The following TMEM132D variants were observed in gnomAD, a reference collection of about 807,000 sequenced individuals.
TMEM132D encodes the protein mature OL transmembrane protein.
TMEM132D carries 21 observed loss-of-function variants against 62.3 expected under a neutral mutation model. The observed-to-expected ratio is 0.34, with a 90% CI of 0.24 to 0.49. The LOEUF (loss-of-function observed/expected upper bound fraction) is 0.49, where lower values mean the gene tolerates loss of function less well. Among genes scored for constraint, TMEM132D ranks in the 20% least tolerant of loss-of-function variants. TMEM132D has a pLI of 0.99. For synonymous variants in TMEM132D, 621 were observed against 575.6 expected, an observed-to-expected ratio of 1.08 and a Z score of -1.13; for missense variants, 1,346 against 1,402.8, an observed-to-expected ratio of 0.96 and a Z score of 0.65.
intron 8 of TMEM132D, among the ~76,000 whole-genome samples, chr12:129,076,827 CCTT>C (rs1401400559): frequency 6.6e-6 from 1 of 152,202 alleles, no homozygotes; most frequent in African/African-American, 2.4e-5. Context: ...AGCCTTCTGG[CCTT>C]CTTCTAGCTG....
intron 2 of TMEM132D, among the ~76,000 whole-genome samples, chr12:129,610,798 T>A (rs1477048713): frequency 1.3e-5 from 2 of 152,138 alleles, no homozygotes; most frequent in East Asian, 3.8e-4. Context: ...TACGAACTTG[T>A]TCCTAGGACA....
At chr12:129,282,642 G>A (rs1341075990) in intron 4 of TMEM132D, among the ~76,000 whole-genome samples, 1 of 152,130 alleles carries the variant, frequency 6.6e-6, no homozygotes, top group East Asian at 1.9e-4. Flanking sequence ...TTGGATTTTG[G>A]ATCATCTGGG....
chr12:129,601,227 G>A (rs1593083687), intron 2 of TMEM132D, among the ~76,000 whole-genome samples: 1 of 152,156 alleles, frequency 6.6e-6, no homozygotes, highest in Non-Finnish European at 1.5e-5. Flanking sequence ...CTAGTTTCCA[G>A]CTTTTCTTCT....
At chr12:129,595,759 C>T (rs115017267) in intron 2 of TMEM132D, among the ~76,000 whole-genome samples, 283 of 152,298 alleles carry the variant, frequency 1.9e-3, no homozygotes, top group African/African-American at 6.0e-3. Flanking sequence ...AGGAGCTGAC[C>T]GACTGCAGAT....
At chr12:129,539,179 A>C (rs1876510695) in intron 2 of TMEM132D, among the ~76,000 whole-genome samples, 1 of 152,050 alleles carries the variant, frequency 6.6e-6, no homozygotes, top group Non-Finnish European at 1.5e-5. Context: ...ACAAGATTTC[A>C]TCACACTACT....
At chr12:129,211,571 G>C (rs1879048653) in intron 4 of TMEM132D, among the ~76,000 whole-genome samples, 1 of 152,140 alleles carries the variant, frequency 6.6e-6, no homozygotes. Flanking sequence ...CTATTTCTTA[G>C]ATAAGATCTT....
chr12:129,688,794 T>C (rs1880992409), intron 2 of TMEM132D, among the ~76,000 whole-genome samples: 1 of 152,040 alleles, frequency 6.6e-6, no homozygotes, highest in African/African-American at 2.4e-5. Flanking sequence ...CTAAATGATA[T>C]GTGCAATTTA....
intron 3 of TMEM132D, among the ~76,000 whole-genome samples, chr12:129,524,245 A>T (rs1875943720): frequency 6.6e-6 from 1 of 152,120 alleles, no homozygotes; most frequent in Non-Finnish European, 1.5e-5. Flanking sequence ...AAAAAATAAA[A>T]AAATAAAAAG....
chr12:129,588,465 G>A (rs1009509948), intron 2 of TMEM132D, among the ~76,000 whole-genome samples: 1 of 152,170 alleles, frequency 6.6e-6, no homozygotes, highest in Admixed American at 6.5e-5. Context: ...AATGCCTTAA[G>A]ACAAATAAAA....
intron 2 of TMEM132D, among the ~76,000 whole-genome samples, chr12:129,665,848 A>G (rs1200114551): frequency 6.6e-6 from 1 of 152,190 alleles, no homozygotes; most frequent in Non-Finnish European, 1.5e-5. Context: ...GATCTGTTTT[A>G]GCTATTTTGA....
chr12:129,152,230 A>G (rs1188225584), intron 5 of TMEM132D, among the ~76,000 whole-genome samples: 2 of 152,236 alleles, frequency 1.3e-5, no homozygotes, highest in African/African-American at 2.4e-5. Flanking sequence ...CTCTATGGCC[A>G]GGCTGAAAAG....
chr12:129,105,600 G>T (rs1368579688), intron 5 of TMEM132D, among the ~76,000 whole-genome samples: 4 of 149,570 alleles, frequency 2.7e-5, no homozygotes, highest in Admixed American at 6.6e-5. Flanking sequence ...TCAAAAAGTG[G>T]CCGAAGGACA....
At chr12:129,136,795 C>CCATCATCACCATCATCATCACCAT (rs1876581228) in intron 5 of TMEM132D, among the ~76,000 whole-genome samples, 1 of 148,758 alleles carries the variant, frequency 6.7e-6, no homozygotes, top group Non-Finnish European at 1.5e-5. Flanking sequence ...ATCACCATCA[C>CCATCATCACCATCATCATCACCAT]CATCATCACC....
At chr12:129,744,212 CATAA>C (rs1869701295) in intron 1 of TMEM132D, among the ~76,000 whole-genome samples, 2 of 152,210 alleles carry the variant, frequency 1.3e-5, no homozygotes, top group Admixed American at 1.3e-4. Context: ...TCAAGAATTA[CATAA>C]ATGTTAGCTA....
chr12:129,281,092 C>T (rs1388809183), intron 4 of TMEM132D, among the ~76,000 whole-genome samples: 1 of 152,088 alleles, frequency 6.6e-6, no homozygotes, highest in African/African-American at 2.4e-5. Flanking sequence ...TAGTACCAAC[C>T]AGGCCTTCTT....
At chr12:129,465,231 C>T (rs1873844728) in intron 3 of TMEM132D, among the ~76,000 whole-genome samples, 1 of 152,072 alleles carries the variant, frequency 6.6e-6, no homozygotes, top group African/African-American at 2.4e-5. Context: ...CTCTTTGAAG[C>T]AATAAAATTC....
rs566188536 is a variant in TMEM132D at position 129,392,139 on chromosome 12, C to T, written c.1116-54322G>A. Among the ~76,000 whole-genome samples the T allele has an allele frequency of 2.4e-3, 346 of 146,904 alleles. 2 individuals carry two copies. Among genetic ancestry groups the T allele is most frequent in the African/African-American group, 8.3e-3 (330 of 39,680 alleles). ...ATGGCACAATCTCGGCTCACCGCAA[C>T]CTCTGCCTCCCGGGTTCAAGTGATT... On this transcript the variant is annotated intron_variant, in intron 3 of 8. Coordinates refer to ENST00000422113, the MANE Select transcript of TMEM132D (RefSeq NM_133448.3).
At chr12:129,451,636 G>T (rs949011717) in intron 3 of TMEM132D, among the ~76,000 whole-genome samples, 12 of 152,164 alleles carry the variant, frequency 7.9e-5, no homozygotes, top group Non-Finnish European at 1.5e-4. Flanking sequence ...AAGATGTCAA[G>T]AACTAAAAAC....
At chr12:129,892,142 G>A (rs530329895) in intron 1 of TMEM132D, among the ~76,000 whole-genome samples, 5 of 152,298 alleles carry the variant, frequency 3.3e-5, no homozygotes, top group Admixed American at 6.5e-5. Context: ...ATTTAGCTCT[G>A]AGAGTCCTAA....
Sources: allele counts gnomAD v4.1 joint callset (sites outside exome capture counted in the v4.1 genomes callset), GRCh38; gene constraint gnomAD v4.1.1; transcripts MANE v1.5; gene names NCBI Gene and HGNC (gene_info 2026-07-23, HGNC 2026-07-21).